Variants in PCNP observed in about 807,000 individuals in gnomAD.
PCNP encodes the protein PEST proteolytic signal-containing nuclear protein.
In PCNP, 6 loss-of-function variants were observed where a neutral mutation model predicts 21.8. That is an observed-to-expected ratio of 0.28 (90% CI 0.15 to 0.54). The LOEUF (loss-of-function observed/expected upper bound fraction) is 0.54, where lower values mean the gene tolerates loss of function less well. PCNP is among the 20% of genes least tolerant of loss of function. PCNP has a pLI of 0.95. For synonymous variants in PCNP, 67 were observed against 73.2 expected, an observed-to-expected ratio of 0.92 and a Z score of 0.43; for missense variants, 161 against 215.5, an observed-to-expected ratio of 0.75 and a Z score of 1.58.
chr3:101,577,011 G>T (rs1934949609), intron 1 of PCNP: 1 of 814,346 alleles, frequency 1.2e-6, no homozygotes, highest in African/African-American at 1.7e-5. Flanking sequence ...ATTTTTAGTA[G>T]AGACGAGATT....
chr3:101,574,344 G>T, intron 1 of PCNP, 65 bp downstream of exon 1: 2 of 1,471,786 alleles, frequency 1.4e-6, no homozygotes, highest in Non-Finnish European at 9.1e-7. Context: ...AGCTCCCAGG[G>T]TGGGGGGAGT....
Position 101,594,033 on chromosome 3 carries a change from T to C in PCNP, c.*1280T>C, listed in dbSNP as rs1191275104. ...ACAGTATAAAAATTTCCTTGAAAAC[T>C]CCTACAATATTATATTTGGAGGCAG... On this transcript the variant is annotated 3_prime_UTR_variant, in exon 5 of 5. Transcript: ENST00000265260. The C allele has an allele frequency of 6.6e-6, 1 of 152,552 alleles. No individual in the cohort carries two copies. Among genetic ancestry groups the C allele is most frequent in the Non-Finnish European group, 1.5e-5 (1 of 68,040 alleles). The allele number at this position is 152,552 out of a possible 1,614,324, so 9.4% of individuals were successfully genotyped here. A position where few individuals can be genotyped will look rare whatever the true frequency, so the allele number is the denominator to read the frequency against.
Position 101,592,743 on chromosome 3 carries a change from A to G in PCNP, c.527A>G (p.Gln176Arg), listed in dbSNP as rs779329513. Reference protein sequence around the residue: ...IKSHLGNVHDQDN With the variant: ...IKSHLGNVHDRDN Reference sequence around the variant, plus strand: ...TCTCATCTTGGAAATGTCCATGACCAAGACAATTAAATGATGTTTTGAAAT... The same window carrying G: ...TCTCATCTTGGAAATGTCCATGACCGAGACAATTAAATGATGTTTTGAAAT... Residue 176 changes from glutamine (Q) to arginine (R), a missense_variant, in exon 5 of 5, where the codon CAA becomes CGA. This residue lies in a region of PCNP where 66 missense variants were observed against 127.8 expected (regional missense o/e 0.52). Coordinates refer to ENST00000265260, the MANE Select transcript of PCNP (RefSeq NM_020357.3). 3.1e-6 allele frequency: 5 copies of G among 1,612,126 alleles called. No homozygotes were observed. Among genetic ancestry groups the G allele is most frequent in the Non-Finnish European group, 8.5e-7 (1 of 1,179,148 alleles).
intron 2 of PCNP, among the ~76,000 whole-genome samples, chr3:101,582,336 C>T (rs577329487): frequency 3.9e-5 from 6 of 152,174 alleles, no homozygotes; most frequent in Non-Finnish European, 7.4e-5. Flanking sequence ...GCCTGTAGTC[C>T]CAGCTACTGG....
intron 1 of PCNP, among the ~76,000 whole-genome samples, chr3:101,578,227 T>C (rs1935035729): frequency 6.6e-6 from 1 of 152,212 alleles, no homozygotes; most frequent in Non-Finnish European, 1.5e-5. Context: ...AAAGTAGTTA[T>C]TGTTTGGGCT....
chr3:101,589,506 A>C (rs1935697794), intron 3 of PCNP, among the ~76,000 whole-genome samples: 1 of 151,778 alleles, frequency 6.6e-6, no homozygotes, highest in Non-Finnish European at 1.5e-5. Flanking sequence ...TGCCTCCCGA[A>C]TTCAAGCAAT....
chr3:101,576,460 C>G, intron 1 of PCNP: 2 of 1,445,190 alleles, frequency 1.4e-6, no homozygotes, highest in Non-Finnish European at 1.9e-6. Context: ...GGTATATAAA[C>G]TATTTATTAA....
rs377250393 is a variant in PCNP, at chr3:101,590,274, T to G, written c.410+4T>G. On this transcript the variant is annotated splice_donor_region_variant and intron_variant, in intron 4 of 4. Transcript: ENST00000265260. ...TGAGGATGAAGAATATTGGAAGGTA[T>G]TATAATTTTTCATAAATATTATAGA... The G allele has an allele frequency of 9.0e-6, 13 of 1,445,526 alleles. No homozygotes were observed. The African/African-American group carries it at 1.5e-4, about 17-fold the overall frequency. 89.5% of individuals were successfully genotyped at this position (1,445,526 alleles called of 1,614,324 possible). A position where few individuals can be genotyped will look rare whatever the true frequency, so the allele number is the denominator to read the frequency against.
At chr3:101,581,777 G>T (rs1935237842) in intron 2 of PCNP, among the ~76,000 whole-genome samples, 1 of 151,510 alleles carries the variant, frequency 6.6e-6, no homozygotes, top group Admixed American at 6.6e-5. Flanking sequence ...TTTAACTCCT[G>T]TTGCCCAGGC....
At chr3:101,587,999 A>T (rs1258139633) in intron 3 of PCNP, among the ~76,000 whole-genome samples, 1 of 152,174 alleles carries the variant, frequency 6.6e-6, no homozygotes, top group African/African-American at 2.4e-5. Context: ...TTGACTGGGC[A>T]TGGTGGCTCA....
intron 1 of PCNP, chr3:101,576,392 G>A (rs3792412): frequency 0.056 from 54,622 of 977,586 alleles, 2,861 homozygotes; most frequent in East Asian, 0.21. Flanking sequence ...GGGCCACCAC[G>A]CCCAGCTAAT....
At chr3:101,586,570 G>T (rs867466315) in intron 3 of PCNP, among the ~76,000 whole-genome samples, 3 of 52,644 alleles carry the variant, frequency 5.7e-5, no homozygotes, top group South Asian at 7.2e-4. Flanking sequence ...GTGTGTGTGT[G>T]TGAGAGAGAG....
Position 101,584,557 on chromosome 3 carries a change from T to TAA in PCNP, c.280-880_280-879insAA, listed in dbSNP as rs1168965427. On this transcript the variant is annotated intron_variant, in intron 2 of 4. Coordinates refer to ENST00000265260, the MANE Select transcript of PCNP (RefSeq NM_020357.3). ...AGAAGCCAAGGAAAGGGTGTTTTTA[T>TAA]TTTTTATTTTTTTTATTTTTATTTT... Among the ~76,000 whole-genome samples the TAA allele has an allele frequency of 7.2e-5, 11 of 152,216 alleles. No homozygotes were observed. The South Asian group carries it at 1.9e-3, about 26-fold the overall frequency.
In PCNP at chr3:101,579,974, A is replaced by G. The variant is rs1320199211; in HGVS notation, c.249A>G (p.Ala83=). The change falls in exon 2 of 5, where the codon GCA becomes GCG. Residue 83 remains alanine, a synonymous_variant. Coordinates refer to ENST00000265260, the MANE Select transcript of PCNP (RefSeq NM_020357.3). ...TAGGTAGTCAGACGACAAAGAAAGC[A>G]TCAGCCATATCCATCAAACTTGGAT... ...FAIGSQTTKK[A]SAISIKLGSS... 9.9e-6 allele frequency: 16 copies of G among 1,613,796 alleles called. No homozygotes were observed. Among genetic ancestry groups the G allele is most frequent in the Non-Finnish European group, 1.3e-5 (15 of 1,179,656 alleles).
At position 101,593,806 on chromosome 3, in the gene PCNP, G is replaced by A. The variant is rs1462965237; in HGVS notation, c.*1053G>A. ...TTAAATGCGTACATATTGACCAATG[G>A]CCTCTGAAAAAGCACATTTTAGATA... On this transcript the variant is annotated 3_prime_UTR_variant, in exon 5 of 5. Coordinates refer to ENST00000265260, the MANE Select transcript of PCNP (RefSeq NM_020357.3). 6.6e-6 allele frequency: 1 copy of A among 152,544 alleles called. No homozygotes were observed. Among genetic ancestry groups the A allele is most frequent in the Non-Finnish European group, 1.5e-5 (1 of 68,026 alleles). The allele number at this position is 152,544 out of a possible 1,614,324, so 9.4% of individuals were successfully genotyped here.
At chr3:101,576,630 C>T (rs1576603582) in intron 1 of PCNP, 1 of 1,611,624 alleles carries the variant, frequency 6.2e-7, no homozygotes. Flanking sequence ...CTTCACGGAG[C>T]TTGTTGTCCA....
In PCNP at chr3:101,581,553, C is replaced by T. The variant is rs1227823634; in HGVS notation, c.279+1549C>T. On this transcript the variant is annotated intron_variant, in intron 2 of 4. Coordinates refer to ENST00000265260, the MANE Select transcript of PCNP (RefSeq NM_020357.3). ...GGTTCAGGCGATTCTCCTGCCTCAG[C>T]CTTCTGAGTAGCTGGGACCACAGGT... is the stretch of plus-strand genomic sequence containing the variant. Among the ~76,000 whole-genome samples the T allele has an allele frequency of 2.6e-5, 4 of 152,052 alleles. No individual in the cohort carries two copies. The East Asian group carries it at 7.7e-4, about 29-fold the overall frequency.
chr3:101,583,272 A>G (rs1000149284), intron 2 of PCNP, among the ~76,000 whole-genome samples: 5 of 152,310 alleles, frequency 3.3e-5, no homozygotes, highest in African/African-American at 1.2e-4. Context: ...CCTGGCCAAC[A>G]TAGCAAAACT....
intron 3 of PCNP, among the ~76,000 whole-genome samples, chr3:101,587,495 T>C (rs1415783904): frequency 6.6e-6 from 1 of 152,040 alleles, no homozygotes; most frequent in African/African-American, 2.4e-5. Flanking sequence ...GCCACTGCGA[T>C]GTTATAAAGA....
Sources: allele counts gnomAD v4.1 joint callset (sites outside exome capture counted in the v4.1 genomes callset), GRCh38; gene constraint gnomAD v4.1.1; regional missense constraint gnomAD v4.1.1; transcripts MANE v1.5; gene names NCBI Gene and HGNC (gene_info 2026-07-23, HGNC 2026-07-21).